The following MMP26 variants were observed in gnomAD, a reference collection of about 807,000 sequenced individuals.
MMP26 encodes the protein matrix metallopeptidase 26.
In MMP26, 33 loss-of-function variants were observed where a neutral mutation model predicts 31.0. The observed-to-expected ratio is 1.06, with a 90% CI of 0.81 to 1.42. The LOEUF (loss-of-function observed/expected upper bound fraction) is 1.42. Among genes scored for constraint, MMP26 ranks in the 40% most tolerant of loss-of-function variants. MMP26 has a pLI of 0.00. For missense variants in MMP26, 347 were observed against 316.1 expected (o/e 1.10, Z -0.74); for synonymous variants, 122 against 114.9 (o/e 1.06, Z -0.40).
intron 2 of MMP26, among the ~76,000 whole-genome samples, chr11:4,808,744 T>C (rs933423267): frequency 1.4e-5 from 2 of 144,030 alleles, no homozygotes; most frequent in African/African-American, 5.1e-5. Flanking sequence ...GCTCTGCTTT[T>C]CTGCTCTCAG....
chr11:4,908,375 AT>A, intron 2 of MMP26: 1 of 1,325,036 alleles, frequency 7.5e-7, no homozygotes, highest in Non-Finnish European at 1.1e-6. Context: ...TATGTGCTTA[AT>A]GCCATAGAAG....
intron 2 of MMP26, among the ~76,000 whole-genome samples, chr11:4,931,099 G>T (rs1045391091): frequency 1.3e-5 from 2 of 151,934 alleles, no homozygotes; most frequent in African/African-American, 4.8e-5. Flanking sequence ...GAGAGACAGA[G>T]AATATTGCAA....
At chr11:4,977,449 G>A (rs1846752922) in intron 2 of MMP26, among the ~76,000 whole-genome samples, 1 of 152,038 alleles carries the variant, frequency 6.6e-6, no homozygotes, top group African/African-American at 2.4e-5. Flanking sequence ...GTCTTTAAAT[G>A]GGAGGGGTCA....
At chr11:4,808,242 G>A (rs554145438) in intron 2 of MMP26, among the ~76,000 whole-genome samples, 63 of 152,302 alleles carry the variant, frequency 4.1e-4, no homozygotes, top group African/African-American at 1.5e-3. Flanking sequence ...TTTGCAGCCA[G>A]TGCTCTTGGT....
chr11:4,849,188 C>G, intron 2 of MMP26: 1 of 1,611,344 alleles, frequency 6.2e-7, no homozygotes, highest in Non-Finnish European at 8.5e-7. Flanking sequence ...TGGGGGCTAT[C>G]TGAGTTGGTA....
intron 2 of MMP26, among the ~76,000 whole-genome samples, chr11:4,779,293 C>CT (rs1405480884): frequency 3.3e-5 from 5 of 151,524 alleles, no homozygotes; most frequent in Non-Finnish European, 7.4e-5. Flanking sequence ...AGATTCATCA[C>CT]TTTTTTCATA....
At chr11:4,837,328 G>T (rs902998303) in intron 2 of MMP26, among the ~76,000 whole-genome samples, 3 of 152,104 alleles carry the variant, frequency 2.0e-5, no homozygotes, top group African/African-American at 7.2e-5. Flanking sequence ...TCACTTCAGA[G>T]TCCTTAGTAG....
chr11:4,922,183 G>C (rs554273937), intron 2 of MMP26, among the ~76,000 whole-genome samples: 128 of 152,320 alleles, frequency 8.4e-4, no homozygotes, highest in Middle Eastern at 3.4e-3. Context: ...ATAATTTTTA[G>C]TGTAGGTAAC....
At chr11:4,984,121 G>A (rs994267984) in intron 2 of MMP26, among the ~76,000 whole-genome samples, 1 of 152,170 alleles carries the variant, frequency 6.6e-6, no homozygotes, top group African/African-American at 2.4e-5. Flanking sequence ...CATACTGGGA[G>A]TTCCAGGAGC....
chr11:4,724,173 G>T (rs1333986314), intron 1 of MMP26: 5 of 548,986 alleles, frequency 9.1e-6, no homozygotes, highest in African/African-American at 7.6e-5. Context: ...TGATGGACAT[G>T]GTAGAGGCAG....
intron 2 of MMP26, among the ~76,000 whole-genome samples, chr11:4,785,041 C>T (rs1848917370): frequency 6.6e-6 from 1 of 152,108 alleles, no homozygotes; most frequent in African/African-American, 2.4e-5. Context: ...TTTTGATAGA[C>T]AGGTGTCAAT....
At chr11:4,768,398 A>G (rs553007065) in intron 2 of MMP26, among the ~76,000 whole-genome samples, 1 of 152,380 alleles carries the variant, frequency 6.6e-6, no homozygotes, top group East Asian at 1.9e-4. Context: ...TATTCTAAGA[A>G]GGTTACTACA....
At chr11:4,742,088 A>G (rs548894276) in intron 1 of MMP26, among the ~76,000 whole-genome samples, 4 of 152,338 alleles carry the variant, frequency 2.6e-5, no homozygotes, top group African/African-American at 9.6e-5. Context: ...AGCAGTGGTG[A>G]GTTTCCAATG....
At chr11:4,871,150 G>A (rs1449285403) in intron 2 of MMP26, among the ~76,000 whole-genome samples, 3 of 152,116 alleles carry the variant, frequency 2.0e-5, no homozygotes, top group African/African-American at 7.2e-5. Context: ...AGGAGAGTAA[G>A]AGGACACATT....
intron 2 of MMP26, chr11:4,924,011 G>T: frequency 6.2e-7 from 1 of 1,614,174 alleles, no homozygotes; most frequent in Non-Finnish European, 8.5e-7. Context: ...CTCCATTGAA[G>T]ACAAGGTGTG....
chr11:4,910,961 C>G (rs999157785), intron 2 of MMP26, among the ~76,000 whole-genome samples: 1 of 152,168 alleles, frequency 6.6e-6, no homozygotes. Flanking sequence ...AGTTCCTTTC[C>G]TCCTGCTACA....
chr11:4,722,729 A>C lies in MMP26; in HGVS notation c.-217+17684A>C. On this transcript the variant is annotated intron_variant, in intron 1 of 7. Coordinates refer to ENST00000380390, the MANE Select transcript of MMP26 (RefSeq NM_021801.5). ...GGGGCAGGCTGGGAGGGGCTGCCAC[A>C]GCTGTTCACTTGGGCAGGACGTCAG... 9 of 863,216 alleles carry C rather than the reference A, an allele frequency of 1.0e-5. No homozygotes were observed. In the Admixed American group the frequency reaches 1.6e-4, roughly 15 times the overall value. 53.5% of individuals were successfully genotyped at this position (863,216 alleles called of 1,614,324 possible).
At chr11:4,920,216 T>A (rs1851162724) in intron 2 of MMP26, among the ~76,000 whole-genome samples, 2 of 152,154 alleles carry the variant, frequency 1.3e-5, no homozygotes, top group South Asian at 4.1e-4. Context: ...TAAGCCTTCT[T>A]CTCTTGGGTT....
chr11:4,926,400 T>C (rs943713645), intron 2 of MMP26, among the ~76,000 whole-genome samples: 3 of 152,134 alleles, frequency 2.0e-5, no homozygotes, highest in Non-Finnish European at 2.9e-5. Context: ...AGAGCATTCA[T>C]TAAGTGAGAA....
Sources: gnomAD v4.1 joint callset for allele counts (sites outside exome capture counted in the v4.1 genomes callset) on GRCh38, gnomAD v4.1.1 for gene constraint, MANE v1.5 for transcripts, NCBI Gene and HGNC (gene_info 2026-07-23, HGNC 2026-07-21) for gene names.